Variants in CD40LG observed in about 807,000 individuals in gnomAD.
The protein encoded by CD40LG is CD40 ligand, also known as CD40 antigen ligand.
Under a neutral mutation model 17.2 loss-of-function variants are expected in CD40LG, and 1 was observed. The observed-to-expected ratio is 0.06, with a 90% CI of 0.02 to 0.28. The LOEUF is 0.28. CD40LG is among the 10% of genes least tolerant of loss of function. The pLI is 1.00. For synonymous variants in CD40LG, 66 were observed against 74.4 expected, an observed-to-expected ratio of 0.89 and a Z score of 0.58; for missense variants, 133 against 193.2, an observed-to-expected ratio of 0.69 and a Z score of 1.85.
chrX:136,651,367 T>C (rs1309622888), intron 2 of CD40LG, among the ~76,000 whole-genome samples: 1 of 111,130 alleles, frequency 9.0e-6, no homozygotes, highest in Non-Finnish European at 1.9e-5. Flanking sequence ...CACATATAGA[T>C]GATGTGTAAT....
chrX:136,658,108 C>T (rs748608440), intron 4 of CD40LG, among the ~76,000 whole-genome samples: 3 of 112,031 alleles, frequency 2.7e-5, no homozygotes, highest in Non-Finnish European at 3.8e-5. Context: ...GGATGCCTCC[C>T]TATTAGTAAA....
chrX:136,649,465 C>T (rs2076098049), intron 1 of CD40LG, among the ~76,000 whole-genome samples: 2 of 112,188 alleles, frequency 1.8e-5, no homozygotes, highest in Admixed American at 9.4e-5. Context: ...TTGTGTTTGG[C>T]CTGATGTGCT....
intron 2 of CD40LG, 137 bp from the exon 3 acceptor site, chrX:136,654,236 A>G: frequency 1.9e-6 from 1 of 528,973 alleles, no homozygotes; most frequent in Non-Finnish European, 3.4e-6. Flanking sequence ...GGAATTAATG[A>G]CAGGATCTGA....
At chrX:136,651,584 C>T (rs1321182008) in intron 2 of CD40LG, among the ~76,000 whole-genome samples, 1 of 111,758 alleles carries the variant, frequency 8.9e-6, no homozygotes, top group Non-Finnish European at 1.9e-5. Context: ...CTCCTAAACC[C>T]TTTCTTTGCA....
In CD40LG at chrX:136,648,325, A is replaced by G. The variant is rs2076094905; in HGVS notation, c.77A>G (p.Tyr26Cys). Residue 26 changes from tyrosine to cysteine, a missense_variant, in exon 1 of 5, where the codon TAT becomes TGT. Coordinates refer to ENST00000370629, the MANE Select transcript of CD40LG (RefSeq NM_000074.3). ...GLPISMKIFM[Y>C]LLTVFLITQM... ...CCCATCAGCATGAAAATTTTTATGT[A>G]TTTACTTACTGTTTTTCTTATCACC... 1 of 1,202,748 alleles carries G rather than the reference A, an allele frequency of 8.3e-7. No homozygotes were observed. The highest frequency in any genetic ancestry group is 1.8e-5 in the African/African-American group (1 of 56,911).
chrX:136,648,719 C>A (rs1293349172), intron 1 of CD40LG, among the ~76,000 whole-genome samples: 2 of 111,760 alleles, frequency 1.8e-5, no homozygotes, highest in African/African-American at 3.3e-5. Context: ...GTGAGTTTAG[C>A]CTTGTAAAAA....
chrX:136,654,090 C>A (rs767982390), intron 2 of CD40LG, among the ~76,000 whole-genome samples: 2 of 111,771 alleles, frequency 1.8e-5, no homozygotes, highest in Non-Finnish European at 3.8e-5. Context: ...TAGGAAGGGT[C>A]AGGATCACAG....
chrX:136,648,882 TA>T (rs2076096704), intron 1 of CD40LG, among the ~76,000 whole-genome samples: 1 of 112,193 alleles, frequency 8.9e-6, no homozygotes, highest in Non-Finnish European at 1.9e-5. Flanking sequence ...CAATTTGATC[TA>T]AAATTTCATA....
intron 1 of CD40LG, among the ~76,000 whole-genome samples, chrX:136,648,769 G>A (rs1024775345): frequency 8.9e-6 from 1 of 112,173 alleles, no homozygotes; most frequent in Non-Finnish European, 1.9e-5. Context: ...CACTATGTAC[G>A]CACTAGCTAT....
chrX:136,651,046 C>T (rs1386635605), intron 2 of CD40LG, among the ~76,000 whole-genome samples: 1 of 111,787 alleles, frequency 8.9e-6, no homozygotes, highest in East Asian at 2.8e-4. Flanking sequence ...GGTTCAAAGC[C>T]TTTTAGCCCA....
intron 2 of CD40LG, among the ~76,000 whole-genome samples, chrX:136,652,563 C>CT (rs1247142633): frequency 9.0e-6 from 1 of 111,274 alleles, no homozygotes; most frequent in Non-Finnish European, 1.9e-5. Flanking sequence ...CACCTCCTGA[C>CT]TAAGTGGTCA....
At chrX:136,650,218 A>G (rs767322906) in intron 1 of CD40LG, 48 bp from the exon 2 acceptor site, 25 of 1,020,194 alleles carry the variant, frequency 2.5e-5, no homozygotes, top group Non-Finnish European at 3.2e-5. Context: ...CATTAGCTGT[A>G]TTCTCCTTCC....
chrX:136,655,450 G>A (rs1395199824), intron 3 of CD40LG, among the ~76,000 whole-genome samples: 1 of 112,370 alleles, frequency 8.9e-6, no homozygotes, highest in Non-Finnish European at 1.9e-5. Context: ...GAAAGACGGG[G>A]TGTTGTTAGA....
At chrX:136,652,950 G>GA (rs1236555830) in intron 2 of CD40LG, among the ~76,000 whole-genome samples, 24 of 105,101 alleles carry the variant, frequency 2.3e-4, no homozygotes, top group Admixed American at 7.1e-4. Flanking sequence ...AGTGAAGCAA[G>GA]AAAAAAAAAA....
chrX:136,654,323 C>T (rs2076112939), intron 2 of CD40LG, 50 bp from the exon 3 acceptor site: 2 of 900,368 alleles, frequency 2.2e-6, no homozygotes, highest in Non-Finnish European at 3.3e-6. Context: ...TTTAAAACCC[C>T]ACAGCAGAGC....
In CD40LG at chrX:136,659,419, G is replaced by C; in HGVS notation, c.*4G>C. On this transcript the variant is annotated 3_prime_UTR_variant, in exon 5 of 5. Transcript: ENST00000370629. Reference sequence around the variant, plus strand: ...CTTTGGCTTACTCAAACTCTGAACAGTGTCACCTTGCAGGCTGTGGTGGAG... The same window carrying C: ...CTTTGGCTTACTCAAACTCTGAACACTGTCACCTTGCAGGCTGTGGTGGAG... 3 of 1,208,598 alleles carry C rather than the reference G, an allele frequency of 2.5e-6. No individual in the cohort carries two copies. The highest frequency in any genetic ancestry group is 3.4e-6 in the Non-Finnish European group (3 of 895,136).
At chrX:136,651,253 C>T (rs1828476203) in intron 2 of CD40LG, among the ~76,000 whole-genome samples, 1 of 111,219 alleles carries the variant, frequency 9.0e-6, no homozygotes, top group Admixed American at 9.6e-5. Flanking sequence ...TACCCTTGGG[C>T]CTCGGCTCAC....
intron 4 of CD40LG, among the ~76,000 whole-genome samples, chrX:136,656,647 T>C (rs183098533): frequency 8.9e-6 from 1 of 112,295 alleles, no homozygotes; most frequent in East Asian, 2.8e-4. Context: ...CATTATGTTC[T>C]TGCTCAATGG....
intron 2 of CD40LG, among the ~76,000 whole-genome samples, chrX:136,651,738 C>T (rs192365172): frequency 6.4e-4 from 72 of 112,288 alleles, no homozygotes; most frequent in Middle Eastern, 4.6e-3. Context: ...AAATAACAGA[C>T]TGAATGTGCT....
Sources: gnomAD v4.1 joint callset for allele counts (sites outside exome capture counted in the v4.1 genomes callset) on GRCh38, gnomAD v4.1.1 for gene constraint, MANE v1.5 for transcripts, NCBI Gene and HGNC (gene_info 2026-07-23, HGNC 2026-07-21) for gene names.